EIF2D: variants seen among roughly 807,000 people sequenced by gnomAD.
EIF2D encodes the protein hepatocellular carcinoma-associated antigen 56.
Under a neutral mutation model 77.4 loss-of-function variants are expected in EIF2D, and 56 were observed. The ratio of observed to expected loss-of-function variants is 0.72; its 90% CI spans 0.58 to 0.90. EIF2D has a LOEUF of 0.90. Ranked by LOEUF, EIF2D falls within the 40% of genes least tolerant of loss-of-function variation. EIF2D has a pLI of 0.00. For synonymous variants in EIF2D, 230 were observed against 271.0 expected, an observed-to-expected ratio of 0.85 and a Z score of 1.49; for missense variants, 574 against 706.5, an observed-to-expected ratio of 0.81 and a Z score of 2.13.
intron 6 of EIF2D, 27 bp downstream of exon 6, chr1:206,602,924 T>C: frequency 3.7e-6 from 6 of 1,609,274 alleles, no homozygotes; most frequent in Non-Finnish European, 5.1e-6. Context: ...GGTGGGGAGA[T>C]GGGCTCTTCT....
intron 4 of EIF2D, among the ~76,000 whole-genome samples, chr1:206,577,674 T>C (rs969749885): frequency 2.0e-5 from 3 of 152,208 alleles, no homozygotes; most frequent in African/African-American, 7.2e-5. Flanking sequence ...AAGACAGGCG[T>C]GGGTGCTTCT....
downstream of EIF2D, chr1:206,589,041 A>C (rs1170759998): frequency 6.5e-6 from 1 of 152,794 alleles, no homozygotes; most frequent in Non-Finnish European, 1.5e-5. Flanking sequence ...TTATTGGACA[A>C]TTCAGACTTT....
At position 206,598,037 on chromosome 1, in the gene EIF2D, GA is replaced by G. The variant is rs113654777; in HGVS notation, c.1293-843del. On this transcript the variant is annotated intron_variant, in intron 11 of 14. Coordinates refer to ENST00000271764, the MANE Select transcript of EIF2D (RefSeq NM_006893.3). ...TATCATGATGATGTTTTTTTAAAGT[GA>G]AAAAAAAATTTTTTTTTGAGATGGG... is the stretch of plus-strand genomic sequence containing the variant. Among the ~76,000 whole-genome samples the G allele has an allele frequency of 6.9e-3, 1,051 of 151,536 alleles. 10 individuals carry two copies. Among genetic ancestry groups the G allele is most frequent in the African/African-American group, 0.024 (1,000 of 41,318 alleles).
Position 206,593,772 on chromosome 1 carries a change from C to G in EIF2D, c.1531G>C (p.Glu511Gln), listed in dbSNP as rs1327814653. 34 of 1,601,936 alleles carry G rather than the reference C, an allele frequency of 2.1e-5. No individual in the cohort carries two copies. Among genetic ancestry groups the G allele is most frequent in the Non-Finnish European group, 2.9e-5 (34 of 1,171,362 alleles). The change falls in exon 14 of 15, where the codon GAG becomes CAG. Residue 511 changes from glutamate (E) to glutamine (Q), a missense_variant. Glu to Gln is a conservative substitution (Grantham distance 29). Transcript: ENST00000271764. ...NKKVTVVRNLEAYGLDPYSVA... is the reference protein window; with the variant it reads ...NKKVTVVRNLQAYGLDPYSVA... ...GAGTATGGGTCCAGACCATAGGCCT[C>G]CAAGTTCCGGACCACGGTCACCTGG... is the stretch of plus-strand genomic sequence containing the variant.
chr1:206,578,602 G>C (rs1007919133), intron 4 of EIF2D, among the ~76,000 whole-genome samples: 1 of 152,168 alleles, frequency 6.6e-6, no homozygotes, highest in African/African-American at 2.4e-5. Flanking sequence ...AAAAGAGTGA[G>C]AGTGAATTTT....
At chr1:206,594,964 T>C (rs1418191826) in intron 13 of EIF2D, 1 of 152,190 alleles carries the variant, frequency 6.6e-6, no homozygotes, top group Non-Finnish European at 1.5e-5. Flanking sequence ...CCAAGTACAT[T>C]CTAAGTGCTT....
At chr1:206,586,984 C>G (rs1553407805), downstream of EIF2D, 1 of 1,614,014 alleles carries the variant, frequency 6.2e-7, no homozygotes, top group Non-Finnish European at 8.5e-7. Flanking sequence ...GGTAACCGGT[C>G]CTGCTTCCTC....
intron 5 of EIF2D, 35 bp downstream of exon 5, chr1:206,605,365 G>A (rs370244777): frequency 7.0e-5 from 110 of 1,571,814 alleles, no homozygotes; most frequent in African/African-American, 6.6e-4. Flanking sequence ...CAGCTGCCCC[G>A]GTTCTCTGTA....
intron 7 of EIF2D, chr1:206,602,024 C>A: frequency 3.3e-6 from 1 of 305,560 alleles, no homozygotes; most frequent in Non-Finnish European, 6.2e-6. Context: ...GGACACGCTG[C>A]CCGATTTGTG....
intron 11 of EIF2D, 80 bp downstream of exon 11, chr1:206,598,923 A>C: frequency 1.4e-6 from 2 of 1,423,196 alleles, no homozygotes; most frequent in Non-Finnish European, 2.0e-6. Flanking sequence ...TCTCCCTCCC[A>C]GACATCCTCC....
chr1:206,596,223 T>G (rs1267016189), intron 12 of EIF2D, among the ~76,000 whole-genome samples: 1 of 152,246 alleles, frequency 6.6e-6, no homozygotes, highest in African/African-American at 2.4e-5. Flanking sequence ...GAGTGCTGCT[T>G]CACATTTCTG....
intron 8 of EIF2D, 140 bp downstream of exon 8, chr1:206,600,123 T>TC: frequency 1.2e-6 from 1 of 862,490 alleles, no homozygotes. Context: ...GTTTCTTTCT[T>TC]CCCCCTTATA....
Position 206,593,650 on chromosome 1 carries a change from G to T in EIF2D, c.1653C>A (p.Asn551Lys), listed in dbSNP as rs1669495072. The change falls in exon 14 of 15, where the codon AAC becomes AAA. Residue 551 changes from asparagine (N) to lysine (K), a missense_variant. Asn to Lys is a moderately conservative substitution (Grantham distance 94). Coordinates refer to ENST00000271764, the MANE Select transcript of EIF2D (RefSeq NM_006893.3). ...KDSLQVQIQG[N>K]QVHHLGWLLL... ...ATAGCCAGCCGAGGTGGTGGACCTG[G>T]TTTCCCTGGATCTGCACCTGAAGGC... The T allele has an allele frequency of 6.2e-7, 1 of 1,610,988 alleles. No homozygotes were observed. The highest frequency in any genetic ancestry group is 1.7e-5 in the Admixed American group (1 of 59,918).
In EIF2D at chr1:206,593,508, AGTGTGTGTGTGTGTGTGTGTGTGT is replaced by A. The variant is rs782562616; in HGVS notation, c.1684+87_1684+110del. 180 of 401,584 alleles carry A rather than the reference AGTGTGTGTGTGTGTGTGTGTGTGT, an allele frequency of 4.5e-4. 1 individual carries two copies. In the South Asian group the frequency reaches 7.6e-3, roughly 17 times the overall value. 24.9% of individuals were successfully genotyped at this position (401,584 alleles called of 1,614,324 possible). The stretch of plus-strand genomic sequence containing the variant: ...GAGAGCGAGAGAGAGAGAGAGAGAG[AGTGTGTGTGTGTGTGTGTGTGTGT>A]GTGTGTGTGTATTATGCAAGTTGAG... On this transcript the variant is annotated intron_variant, in intron 14 of 14. Coordinates refer to ENST00000271764, the MANE Select transcript of EIF2D (RefSeq NM_006893.3).
intron 4 of EIF2D, among the ~76,000 whole-genome samples, chr1:206,574,530 T>C (rs1668563978): frequency 6.6e-6 from 1 of 152,202 alleles, no homozygotes; most frequent in Admixed American, 6.5e-5. Flanking sequence ...ACCTCTTTTT[T>C]CCCTCTGCTC....
chr1:206,590,233 C>T (rs1197033127), downstream of EIF2D, among the ~76,000 whole-genome samples: 2 of 152,164 alleles, frequency 1.3e-5, no homozygotes, highest in Non-Finnish European at 2.9e-5. Flanking sequence ...ATGCACAGGT[C>T]TGGACAGCAC....
At position 206,599,701 on chromosome 1, in the gene EIF2D, C is replaced by G. The variant is rs546206450; in HGVS notation, c.1052+32G>C. The G allele has an allele frequency of 1.9e-6, 3 of 1,613,630 alleles. No homozygotes were observed. The highest frequency in any genetic ancestry group is 1.7e-5 in the Admixed American group (1 of 59,972). Reference sequence around the variant, plus strand: ...CGTGGCCCAGGTGCCCTGGGGCCAGCTGGGCTACAGTGACAGGCCCCCTGC... The same window carrying G: ...CGTGGCCCAGGTGCCCTGGGGCCAGGTGGGCTACAGTGACAGGCCCCCTGC... On this transcript the variant is annotated intron_variant, in intron 9 of 14. Transcript: ENST00000271764. This position sits in a 1 kb window ranked among gnomAD's most constrained non-coding sequence, Gnocchi z 4.1.
At chr1:206,578,222 C>CA (rs79362621) in intron 4 of EIF2D, among the ~76,000 whole-genome samples, 12 of 137,324 alleles carry the variant, frequency 8.7e-5, no homozygotes, top group South Asian at 2.4e-4. Context: ...GGAGACATCT[C>CA]AAAAAAAAAA....
chr1:206,584,816 T>C lies in EIF2D; in HGVS notation c.139-3654A>G. ...AGCACCAGGGGTCCAGCTGCCCATGTGGTGTTCAGATCTGTGGAATCCGGG... is the reference window on the plus strand; with the variant it reads ...AGCACCAGGGGTCCAGCTGCCCATGCGGTGTTCAGATCTGTGGAATCCGGG... On this transcript the variant is annotated intron_variant and NMD_transcript_variant, in intron 2 of 5. Transcript: ENST00000472709. This position sits in a 1 kb window ranked among gnomAD's most constrained non-coding sequence, Gnocchi z 4.9. 1 of 947,460 alleles carries C rather than the reference T, an allele frequency of 1.1e-6. No individual in the cohort carries two copies. 58.7% of individuals were successfully genotyped at this position (947,460 alleles called of 1,614,324 possible).
Sources: allele counts gnomAD v4.1 joint callset (sites outside exome capture counted in the v4.1 genomes callset), GRCh38; gene constraint gnomAD v4.1.1; non-coding constraint Gnocchi (gnomAD v3.1); transcripts MANE v1.5; gene names NCBI Gene and HGNC (gene_info 2026-07-23, HGNC 2026-07-21).